BRINP2: variants seen among roughly 807,000 people sequenced by gnomAD.
BRINP2 encodes BMP/retinoic acid-inducible neural-specific protein 2.
BRINP2 carries 21 observed loss-of-function variants against 69.2 expected under a neutral mutation model. That is an observed-to-expected ratio of 0.30 (90% CI 0.22 to 0.44). The LOEUF is 0.44. Among genes scored for constraint, BRINP2 ranks in the 20% least tolerant of loss-of-function variants. BRINP2 has a pLI of 1.00. For synonymous variants in BRINP2, 380 were observed against 394.1 expected, an observed-to-expected ratio of 0.96 and a Z score of 0.42; for missense variants, 877 against 986.0, an observed-to-expected ratio of 0.89 and a Z score of 1.48.
rs993065363 is a variant in BRINP2 at position 177,281,044 on chromosome 1, A to G, written c.1868A>G (p.Gln623Arg). The G allele has an allele frequency of 3.7e-6, 6 of 1,614,124 alleles. No individual in the cohort carries two copies. The highest frequency in any genetic ancestry group is 2.2e-5 in the East Asian group (1 of 44,888). The stretch of plus-strand genomic sequence containing the variant: ...AGGACTAACGTGGATGCAGCTGCCC[A>G]GTGCCAAAACTGGACTATCACCTTG... ...WERTNVDAAA[Q>R]CQNWTITLGN... The change falls in exon 8 of 8, where the codon CAG becomes CGG. Residue 623 changes from glutamine (Q) to arginine (R), a missense_variant. By Grantham distance (43) the Gln-to-Arg change is conservative. Transcript: ENST00000361539.
chr1:177,178,334 A>T (rs1196257522), intron 1 of BRINP2, among the ~76,000 whole-genome samples: 1 of 152,180 alleles, frequency 6.6e-6, no homozygotes, highest in Non-Finnish European at 1.5e-5. Flanking sequence ...ACAATTGCTT[A>T]GCATAACAAA....
In BRINP2 at chr1:177,276,197, G is replaced by C; in HGVS notation, c.776-1G>C. ...GATTCCTTGACACATCCTTTCCCCA[G>C]GCCTTCAGGTGCTGCTGCCTGAGTA... On this transcript the variant is annotated splice_acceptor_variant, in intron 5 of 7. Transcript: ENST00000361539. LOFTEE classifies it high-confidence loss of function. The C allele has an allele frequency of 2.5e-6, 4 of 1,610,598 alleles. No homozygotes were observed. The highest frequency in any genetic ancestry group is 3.4e-6 in the Non-Finnish European group (4 of 1,177,230).
chr1:177,219,644 G>C (rs1202675152), intron 1 of BRINP2, among the ~76,000 whole-genome samples: 1 of 152,186 alleles, frequency 6.6e-6, no homozygotes, highest in South Asian at 2.1e-4. Flanking sequence ...TTACATTCTG[G>C]TTTGTGCCAA....
At chr1:177,268,603 G>A (rs561662405) in intron 4 of BRINP2, among the ~76,000 whole-genome samples, 2 of 152,126 alleles carry the variant, frequency 1.3e-5, no homozygotes, top group African/African-American at 2.4e-5. Context: ...ATCCCCCTCT[G>A]TTGGAAGGTT....
intron 5 of BRINP2, among the ~76,000 whole-genome samples, chr1:177,275,645 A>G (rs192837647): frequency 6.6e-6 from 1 of 152,324 alleles, no homozygotes; most frequent in Non-Finnish European, 1.5e-5. Context: ...CTGTATCCCC[A>G]CAATATCTGT....
chr1:177,256,380 C>T (rs953197497), intron 3 of BRINP2: 3 of 985,392 alleles, frequency 3.0e-6, no homozygotes, highest in Non-Finnish European at 3.6e-6. Flanking sequence ...AGGGGGCACT[C>T]CCAGTTTTCG....
Position 177,179,360 on chromosome 1 carries a change from T to C in BRINP2, c.-77+7628T>C, listed in dbSNP as rs142707607. The stretch of plus-strand genomic sequence containing the variant: ...AAGAGGAGAAAAATTGTTTCTTCTA[T>C]GTAACCAAGACACTAGCTGCTGTGA... On this transcript the variant is annotated intron_variant, in intron 1 of 7. Transcript: ENST00000361539. 1.8e-3 allele frequency among the ~76,000 whole-genome samples: 268 copies of C among 152,302 alleles called. 1 individual carries two copies. Among genetic ancestry groups the C allele is most frequent in the Admixed American group, 2.9e-3 (45 of 15,298 alleles).
chr1:177,202,358 T>C (rs1648939428), intron 1 of BRINP2, among the ~76,000 whole-genome samples: 2 of 152,320 alleles, frequency 1.3e-5, no homozygotes, highest in Admixed American at 6.5e-5. Flanking sequence ...AATTTCCCTC[T>C]ACACACTGCT....
chr1:177,273,632 T>A, intron 5 of BRINP2, 39 bp downstream of exon 5: 1 of 1,277,792 alleles, frequency 7.8e-7, no homozygotes, highest in Non-Finnish European at 1.1e-6. Flanking sequence ...CTTTCACACC[T>A]GATTTAAAAA....
At position 177,257,737 on chromosome 1, in the gene BRINP2, T is replaced by C. The variant is rs1571936785; in HGVS notation, c.669+353T>C. 2.6e-5 allele frequency among the ~76,000 whole-genome samples: 4 copies of C among 152,004 alleles called. No homozygotes were observed. The Middle Eastern group carries it at 0.01, about 388-fold the overall frequency. On this transcript the variant is annotated intron_variant, in intron 4 of 7. Coordinates refer to ENST00000361539, the MANE Select transcript of BRINP2 (RefSeq NM_021165.4). ...TCATAGGTGTACATTTCCTGGGGCG[T>C]GGGGAGGGAGCAGCTCATACGATTA...
At chr1:177,200,292 TCAAA>T (rs1648867261) in intron 1 of BRINP2, among the ~76,000 whole-genome samples, 1 of 6,938 alleles carries the variant, frequency 1.4e-4, no homozygotes, top group African/African-American at 3.8e-4. Flanking sequence ...AAACTCTGTC[TCAAA>T]AAAAAAAAAA....
intron 1 of BRINP2, among the ~76,000 whole-genome samples, chr1:177,211,728 A>G (rs1649227353): frequency 6.6e-6 from 1 of 152,190 alleles, no homozygotes; most frequent in Admixed American, 6.5e-5. Context: ...GGTGGTATTA[A>G]CTGACCACTT....
intron 1 of BRINP2, among the ~76,000 whole-genome samples, chr1:177,220,894 G>A (rs1649509301): frequency 6.6e-6 from 1 of 152,170 alleles, no homozygotes; most frequent in African/African-American, 2.4e-5. Context: ...GGGTTCTTAT[G>A]AGGCCATGCT....
chr1:177,267,849 A>C (rs932387016), intron 4 of BRINP2, among the ~76,000 whole-genome samples: 1 of 152,184 alleles, frequency 6.6e-6, no homozygotes, highest in Non-Finnish European at 1.5e-5. Context: ...TCCTCAAAAG[A>C]GGTCACCATC....
rs199603435 is a variant in BRINP2, at chr1:177,278,554, T to C, written c.1013-9T>C. The C allele has an allele frequency of 5.6e-6, 9 of 1,613,668 alleles. No individual in the cohort carries two copies. The highest frequency in any genetic ancestry group is 5.1e-6 in the Non-Finnish European group (6 of 1,179,606). ...CCCGTCAGCTCAGGTCCTGTGTTCTTGTCCACAGAAGAGTTCCAGGCCCTG... is the reference window on the plus strand; with the variant it reads ...CCCGTCAGCTCAGGTCCTGTGTTCTCGTCCACAGAAGAGTTCCAGGCCCTG... On this transcript the variant is annotated splice_polypyrimidine_tract_variant and intron_variant, in intron 6 of 7. Coordinates refer to ENST00000361539, the MANE Select transcript of BRINP2 (RefSeq NM_021165.4).
chr1:177,272,801 C>A lies in BRINP2; in HGVS notation c.670-687C>A, dbSNP rs1237435824. Among the ~76,000 whole-genome samples, 2 of 152,214 alleles carry A rather than the reference C, an allele frequency of 1.3e-5. 1 individual carries two copies. The highest frequency in any genetic ancestry group is 3.8e-4 in the East Asian group (2 of 5,200). On this transcript the variant is annotated intron_variant, in intron 4 of 7. Coordinates refer to ENST00000361539, the MANE Select transcript of BRINP2 (RefSeq NM_021165.4). ...TTCTTATTACATAATTATTTTAGTGCATTTAAAGCTTCCCATTTTTCATCT... is the reference window on the plus strand; with the variant it reads ...TTCTTATTACATAATTATTTTAGTGAATTTAAAGCTTCCCATTTTTCATCT...
Position 177,257,373 on chromosome 1 carries a change from G to A in BRINP2, c.658G>A (p.Gly220Arg), listed in dbSNP as rs1333686075. 3.1e-6 allele frequency: 5 copies of A among 1,610,142 alleles called. No individual in the cohort carries two copies. The South Asian group carries it at 5.5e-5, about 18-fold the overall frequency. The change falls in exon 4 of 8, where the codon GGG (glycine) becomes AGG (arginine). Residue 220 changes from glycine to arginine, a missense_variant. By Grantham distance (125) the Gly-to-Arg change is moderately radical. This residue lies in a region of BRINP2 where 566 missense variants were observed against 625.2 expected (regional missense o/e 0.91). Coordinates refer to ENST00000361539, the MANE Select transcript of BRINP2 (RefSeq NM_021165.4). ...GCTGCACCATATCCAGATAGCCACG[G>A]GGGCCATCAAGGTAATGACCTGAGA... ...RRLHHIQIAT[G>R]AIKVTETRTG...
chr1:177,240,784 T>C (rs190292281), intron 2 of BRINP2, among the ~76,000 whole-genome samples: 12 of 152,250 alleles, frequency 7.9e-5, no homozygotes, highest in Admixed American at 6.5e-4. Context: ...AGTGTTTGGG[T>C]GTGGAAGGAA....
At chr1:177,208,791 A>G (rs962704396) in intron 1 of BRINP2, among the ~76,000 whole-genome samples, 31 of 152,220 alleles carry the variant, frequency 2.0e-4, no homozygotes, top group Non-Finnish European at 2.9e-5. Flanking sequence ...AATCCTTTGA[A>G]GGCACAAATA....
Sources: gnomAD v4.1 joint callset for allele counts (sites outside exome capture counted in the v4.1 genomes callset) on GRCh38, gnomAD v4.1.1 for gene constraint, gnomAD v4.1.1 regional missense constraint, MANE v1.5 for transcripts, NCBI Gene and HGNC (gene_info 2026-07-23, HGNC 2026-07-21) for gene names.